The following TNRC6C variants were observed in gnomAD, a reference collection of about 807,000 sequenced individuals.
TNRC6C encodes the protein trinucleotide repeat containing adaptor 6C.
A neutral mutation model predicts 153.7 loss-of-function variants in TNRC6C; 20 were observed. The ratio of observed to expected loss-of-function variants is 0.13; its 90% confidence interval spans 0.09 to 0.19. The LOEUF (loss-of-function observed/expected upper bound fraction) is 0.19, where lower values mean the gene tolerates loss of function less well. Ranked by LOEUF, TNRC6C falls within the 10% of genes least tolerant of loss-of-function variation. TNRC6C has a pLI of 1.00. For missense variants in TNRC6C, 1,987 were observed against 2,172.0 expected (o/e 0.91, Z 1.69); for synonymous variants, 811 against 841.4 (o/e 0.96, Z 0.63).
chr17:78,039,389 G>A (rs1030372388), intron 2 of TNRC6C, among the ~76,000 whole-genome samples: 1 of 143,386 alleles, frequency 7.0e-6, no homozygotes, highest in African/African-American at 2.7e-5. Flanking sequence ...CGTCACCCAC[G>A]TTGGCCTGGG....
chr17:78,020,168 C>A (rs1378610303), intron 1 of TNRC6C, among the ~76,000 whole-genome samples: 6 of 152,184 alleles, frequency 3.9e-5, no homozygotes, highest in Non-Finnish European at 8.8e-5. Flanking sequence ...TGTTGCTTTG[C>A]TGAGTGAGGC....
chr17:78,012,770 G>C (rs1393711563), intron 1 of TNRC6C, among the ~76,000 whole-genome samples: 1 of 152,216 alleles, frequency 6.6e-6, no homozygotes, highest in African/African-American at 2.4e-5. Flanking sequence ...TGCTGAGTGA[G>C]GTGGTGGCCA....
intron 17 of TNRC6C, among the ~76,000 whole-genome samples, chr17:78,099,522 T>C (rs1309994034): frequency 6.6e-6 from 1 of 152,168 alleles, no homozygotes; most frequent in African/African-American, 2.4e-5. Context: ...GAAACTCCCA[T>C]TTTTAAAACC....
intron 16 of TNRC6C, among the ~76,000 whole-genome samples, chr17:78,096,103 G>A (rs1374490226): frequency 3.9e-5 from 6 of 152,188 alleles, no homozygotes; most frequent in African/African-American, 2.4e-5. Context: ...GAGCCAGTGC[G>A]CACGGCCGAG....
intron 7 of TNRC6C, among the ~76,000 whole-genome samples, chr17:78,074,002 A>T (rs2073042181): frequency 6.6e-6 from 1 of 152,200 alleles, no homozygotes; most frequent in Non-Finnish European, 1.5e-5. Context: ...TGAATTTTTT[A>T]GGATGTACCA....
At chr17:78,015,041 T>C (rs553193377) in intron 1 of TNRC6C, among the ~76,000 whole-genome samples, 1 of 152,330 alleles carries the variant, frequency 6.6e-6, no homozygotes, top group South Asian at 2.1e-4. Context: ...AAGAGAATAG[T>C]TCTCTTACAT....
At chr17:78,061,371 G>A (rs1459051360) in intron 3 of TNRC6C, among the ~76,000 whole-genome samples, 1 of 152,122 alleles carries the variant, frequency 6.6e-6, no homozygotes. Flanking sequence ...TTTTCTGTGT[G>A]CTGAAAATAC....
rs146490985 is a variant in TNRC6C at position 78,046,534 on chromosome 17, G to A, written c.-218-2311G>A. Among the ~76,000 whole-genome samples, 1,273 of 152,082 alleles carry A rather than the reference G, an allele frequency of 8.4e-3. 8 individuals are homozygous for A. Among genetic ancestry groups the A allele is most frequent in the South Asian group, 0.021 (103 of 4,816 alleles). ...TCTGTTGTATCTTCTCCCTGCCTGTGGCTTGTTTTTTTAGCTTTCATTATA... is the reference window on the plus strand; with the variant it reads ...TCTGTTGTATCTTCTCCCTGCCTGTAGCTTGTTTTTTTAGCTTTCATTATA... On this transcript the variant is annotated intron_variant, in intron 2 of 19. Coordinates refer to ENST00000301624, the Ensembl canonical transcript of TNRC6C.
At chr17:78,086,813 C>T in intron 12 of TNRC6C, 40 bp from the exon 15 acceptor site, 1 of 1,602,908 alleles carries the variant, frequency 6.2e-7, no homozygotes, top group Non-Finnish European at 8.5e-7. Flanking sequence ...ATGAGTGTCC[C>T]TTCCCACCTA....
chr17:78,075,093 A>G lies in TNRC6C; in HGVS notation c.2918-43A>G. 1.2e-6 allele frequency: 2 copies of G among 1,603,340 alleles called. No individual in the cohort carries two copies. The highest frequency in any genetic ancestry group is 1.7e-5 in the Admixed American group (1 of 58,512). ...GGTGCCTATCTTGTGCTCAGCACTC[A>G]CTTGTTTTGTTTACAACATTGCTTC... On this transcript the variant is annotated intron_variant, in intron 7 of 19. Transcript: ENST00000301624. This position sits in a 1 kb window ranked among gnomAD's most constrained non-coding sequence, Gnocchi z 4.2.
In TNRC6C at chr17:78,054,888, G is replaced by A. The variant is rs376885702; in HGVS notation, c.2395+3431G>A. ...CATACACCACTGCAGACTACTGTACGCTACCATACACCACTGCGGACTACT... is the reference window on the plus strand; with the variant it reads ...CATACACCACTGCAGACTACTGTACACTACCATACACCACTGCGGACTACT... On this transcript the variant is annotated intron_variant, in intron 3 of 19. Transcript: ENST00000301624. Among the ~76,000 whole-genome samples the A allele has an allele frequency of 4.7e-5, 7 of 148,566 alleles. No homozygotes were observed. In the East Asian group the frequency reaches 1.2e-3, roughly 25 times the overall value.
intron 5 of TNRC6C, 40 bp downstream of exon 7, chr17:78,067,963 C>T: frequency 1.3e-6 from 2 of 1,559,144 alleles, no homozygotes; most frequent in Non-Finnish European, 8.6e-7. Context: ...CCCTGAAAAC[C>T]AAAGGTACTT....
At chr17:77,962,809 G>C (rs1290360841) in intron 1 of TNRC6C, among the ~76,000 whole-genome samples, 1 of 152,200 alleles carries the variant, frequency 6.6e-6, no homozygotes, top group African/African-American at 2.4e-5. Context: ...GAAATATTTT[G>C]AAGTGTTGGT....
At chr17:78,052,429 A>C (rs1459945055) in intron 3 of TNRC6C, among the ~76,000 whole-genome samples, 1 of 152,220 alleles carries the variant, frequency 6.6e-6, no homozygotes, top group Non-Finnish European at 1.5e-5. Context: ...TGCAGGAAGC[A>C]AAACAGTCAA....
chr17:77,976,976 A>T, intron 1 of TNRC6C, among the ~76,000 whole-genome samples: 1 of 145,292 alleles, frequency 6.9e-6, no homozygotes, highest in African/African-American at 2.6e-5. Flanking sequence ...TTTCCCCTTC[A>T]TTTTACAGGT....
At chr17:78,095,877 C>G (rs1200200350) in intron 16 of TNRC6C, among the ~76,000 whole-genome samples, 1 of 152,056 alleles carries the variant, frequency 6.6e-6, no homozygotes, top group Non-Finnish European at 1.5e-5. Context: ...GACCCTGGCT[C>G]TACAAAAAAT....
chr17:78,033,156 G>T (rs191734602), intron 2 of TNRC6C, among the ~76,000 whole-genome samples: 13 of 152,252 alleles, frequency 8.5e-5, no homozygotes, highest in Non-Finnish European at 1.8e-4. Flanking sequence ...TGCCTGTTCT[G>T]GTTGTATCTG....
chr17:78,057,669 G>A (rs2072685738), intron 3 of TNRC6C, among the ~76,000 whole-genome samples: 1 of 152,212 alleles, frequency 6.6e-6, no homozygotes, highest in Non-Finnish European at 1.5e-5. Context: ...TATTTTTAAA[G>A]TTGGTGTTTT....
Position 78,049,714 on chromosome 17 carries a change from A to G in TNRC6C, c.652A>G (p.Ile218Val). 1 of 1,600,010 alleles carries G rather than the reference A, an allele frequency of 6.2e-7. No homozygotes were observed. The highest frequency in any genetic ancestry group is 8.5e-7 in the Non-Finnish European group (1 of 1,171,384). ...CATGGCTGTTGGTATGGGGGCCATC[A>G]TCCCGCCCCACCTGCAAGGCCTTCC... Residue 218 changes from isoleucine (I) to valine (V), a missense_variant, in exon 3 of 20, where the codon ATC becomes GTC. By Grantham distance (29) the Ile-to-Val change is conservative. Transcript: ENST00000301624. This position sits in a 1 kb window ranked among gnomAD's most constrained non-coding sequence, Gnocchi z 4.1.
Sources: gnomAD v4.1 joint callset for allele counts (sites outside exome capture counted in the v4.1 genomes callset) on GRCh38, gnomAD v4.1.1 for gene constraint, Gnocchi (gnomAD v3.1) non-coding constraint, MANE v1.5 for transcripts, NCBI Gene and HGNC (gene_info 2026-07-23, HGNC 2026-07-21) for gene names.